Variants in EPHA6 observed in about 807,000 individuals in gnomAD.
The protein encoded by EPHA6 is EPH receptor A6, also known as ephrin type-A receptor 6.
Under a neutral mutation model 112.0 loss-of-function variants are expected in EPHA6, and 50 were observed. The ratio of observed to expected loss-of-function variants is 0.45; its 90% CI spans 0.36 to 0.56. The LOEUF is 0.56. Among genes scored for constraint, EPHA6 ranks in the 20% least tolerant of loss-of-function variants. The pLI is 0.00. For missense variants in EPHA6, 1,280 were observed against 1,417.4 expected (o/e 0.90, Z 1.56); for synonymous variants, 529 against 490.7 (o/e 1.08, Z -1.03).
At position 97,429,187 on chromosome 3, in the gene EPHA6, T is replaced by C. The variant is rs1003522605; in HGVS notation, c.1732-19381T>C. On this transcript the variant is annotated intron_variant, in intron 6 of 17. Transcript: ENST00000389672. ...ATTTAAGCCAAACCTTTCCTGAGTTTCCAAACTTGATTTCTGGCAAGTGAG... is the reference window on the plus strand; with the variant it reads ...ATTTAAGCCAAACCTTTCCTGAGTTCCCAAACTTGATTTCTGGCAAGTGAG... 6.4e-4 allele frequency among the ~76,000 whole-genome samples: 98 copies of C among 152,308 alleles called. 1 individual carries two copies. Among genetic ancestry groups the C allele is most frequent in the African/African-American group, 2.1e-3 (89 of 41,586 alleles).
At chr3:96,938,835 T>C (rs1170875250) in intron 2 of EPHA6, among the ~76,000 whole-genome samples, 1 of 152,224 alleles carries the variant, frequency 6.6e-6, no homozygotes. Flanking sequence ...TTGAATTTTG[T>C]CAAAGACCTT....
chr3:97,739,738 A>G (rs1156634705), intron 16 of EPHA6, among the ~76,000 whole-genome samples: 1 of 151,916 alleles, frequency 6.6e-6, no homozygotes, highest in Non-Finnish European at 1.5e-5. Context: ...AAGTGTAGAT[A>G]TACCATATAA....
intron 3 of EPHA6, among the ~76,000 whole-genome samples, chr3:97,064,869 C>T (rs2046129820): frequency 6.6e-6 from 1 of 152,122 alleles, no homozygotes; most frequent in Non-Finnish European, 1.5e-5. Context: ...ATCGTGACTG[C>T]TGCTTCAGGA....
intron 5 of EPHA6, among the ~76,000 whole-genome samples, chr3:97,277,159 A>G (rs1389425897): frequency 6.6e-6 from 1 of 152,200 alleles, no homozygotes; most frequent in Non-Finnish European, 1.5e-5. Flanking sequence ...GGACGATTCT[A>G]ACAGGCTTTG....
At chr3:96,904,395 G>A (rs1277223650) in intron 2 of EPHA6, among the ~76,000 whole-genome samples, 1 of 144,946 alleles carries the variant, frequency 6.9e-6, no homozygotes, top group Non-Finnish European at 1.5e-5. Context: ...CTCATAGGTG[G>A]GAATTGAACA....
chr3:97,523,035 C>G (rs929879214), intron 10 of EPHA6, among the ~76,000 whole-genome samples: 1 of 151,998 alleles, frequency 6.6e-6, no homozygotes, highest in African/African-American at 2.4e-5. Flanking sequence ...TTATTTACTT[C>G]TATTCTGATC....
chr3:97,264,924 T>C (rs2079622946), intron 5 of EPHA6, among the ~76,000 whole-genome samples: 1 of 152,138 alleles, frequency 6.6e-6, no homozygotes, highest in African/African-American at 2.4e-5. Context: ...CAAAGAGTGT[T>C]CAGGTCTCAG....
chr3:97,549,982 G>T (rs1273188212), intron 11 of EPHA6, among the ~76,000 whole-genome samples: 1 of 152,146 alleles, frequency 6.6e-6, no homozygotes, highest in African/African-American at 2.4e-5. Flanking sequence ...TGTAAAAGCA[G>T]CTGAAGAATT....
chr3:96,822,638 G>A (rs541059107), intron 1 of EPHA6, among the ~76,000 whole-genome samples: 1 of 151,472 alleles, frequency 6.6e-6, no homozygotes, highest in South Asian at 2.1e-4. Flanking sequence ...CTCTTGTAAT[G>A]TTAGGTATCT....
At chr3:97,520,589 G>A (rs571643308) in intron 10 of EPHA6, among the ~76,000 whole-genome samples, 1 of 152,274 alleles carries the variant, frequency 6.6e-6, no homozygotes, top group South Asian at 2.1e-4. Flanking sequence ...AGTATGATGG[G>A]ATTTCCCTTA....
At chr3:97,057,772 C>T (rs1453781444) in intron 3 of EPHA6, among the ~76,000 whole-genome samples, 5 of 152,172 alleles carry the variant, frequency 3.3e-5, no homozygotes, top group Admixed American at 3.3e-4. Flanking sequence ...TCTCCTTCTA[C>T]TTCTGCATGA....
intron 11 of EPHA6, among the ~76,000 whole-genome samples, chr3:97,532,990 A>G (rs1022915336): frequency 7.9e-5 from 12 of 152,160 alleles, no homozygotes; most frequent in African/African-American, 2.9e-4. Context: ...AAATGGCATT[A>G]GGAGTAAATT....
chr3:97,554,959 T>C (rs2093082384), intron 11 of EPHA6, among the ~76,000 whole-genome samples: 1 of 151,914 alleles, frequency 6.6e-6, no homozygotes, highest in Non-Finnish European at 1.5e-5. Context: ...CCTTAAGTTT[T>C]AGGTTACATG....
At chr3:97,596,516 TTCTC>T (rs2093592046) in intron 12 of EPHA6, among the ~76,000 whole-genome samples, 1 of 151,964 alleles carries the variant, frequency 6.6e-6, no homozygotes, top group African/African-American at 2.4e-5. Context: ...TGAATTCACT[TTCTC>T]TGTCACTTCT....
intron 14 of EPHA6, among the ~76,000 whole-genome samples, chr3:97,716,718 T>C (rs889058940): frequency 1.4e-4 from 21 of 152,242 alleles, no homozygotes; most frequent in African/African-American, 5.1e-4. Flanking sequence ...ATCCCGTATA[T>C]ATCCTCCCAT....
chr3:97,560,696 A>G (rs770861281), intron 11 of EPHA6: 2 of 152,064 alleles, frequency 1.3e-5, no homozygotes, highest in Non-Finnish European at 2.9e-5. Flanking sequence ...ATAATGAGTG[A>G]GTAAAGGCCT....
intron 2 of EPHA6, among the ~76,000 whole-genome samples, chr3:96,925,334 G>GTTTCAAATCTC (rs906672838): frequency 2.6e-5 from 4 of 152,198 alleles, no homozygotes; most frequent in Non-Finnish European, 4.4e-5. Flanking sequence ...CTCGTTATCA[G>GTTTCAAATCTC]TCTATTGAGA....
chr3:97,492,906 AAGTATTTAGAGCTTG>A (rs1338751170), intron 10 of EPHA6, among the ~76,000 whole-genome samples: 2 of 151,908 alleles, frequency 1.3e-5, no homozygotes, highest in African/African-American at 4.8e-5. Flanking sequence ...GGACGTTTTC[AAGTATTTAGAGCTTG>A]ATGACACTGG....
chr3:96,933,146 C>T (rs1323504140), intron 2 of EPHA6, among the ~76,000 whole-genome samples: 1 of 152,056 alleles, frequency 6.6e-6, no homozygotes, highest in Admixed American at 6.6e-5. Context: ...GGCTCCATTC[C>T]TGGTTTGTTT....
Sources: gnomAD v4.1 joint callset for allele counts (sites outside exome capture counted in the v4.1 genomes callset) on GRCh38, gnomAD v4.1.1 for gene constraint, MANE v1.5 for transcripts, NCBI Gene and HGNC (gene_info 2026-07-23, HGNC 2026-07-21) for gene names.